Variants in ZWILCH observed in about 807,000 individuals in gnomAD.
ZWILCH encodes protein zwilch homolog.
Under a neutral mutation model 79.9 loss-of-function variants are expected in ZWILCH, and 74 were observed. That is an observed-to-expected ratio of 0.93 (90% CI 0.77 to 1.12). The LOEUF is 1.12. Ranked by LOEUF, ZWILCH falls within the 50% of genes most tolerant of loss-of-function variation. The pLI is 0.00. For synonymous variants in ZWILCH, 241 were observed against 228.2 expected (o/e 1.06, Z -0.51); for missense variants, 694 against 687.5 (o/e 1.01, Z -0.11).
chr15:66,518,964 C>A lies in ZWILCH; in HGVS notation c.406C>A (p.Leu136Ile). 1 of 1,614,224 alleles carries A rather than the reference C, an allele frequency of 6.2e-7. No individual in the cohort carries two copies. The highest frequency in any genetic ancestry group is 8.5e-7 in the Non-Finnish European group (1 of 1,180,028). The change falls in exon 5 of 19, where the codon CTT (leucine) becomes ATT (isoleucine). Residue 136 changes from leucine (L) to isoleucine (I), a missense_variant. Physicochemically the swap from Leu to Ile is conservative, Grantham distance 5 (BLOSUM62 2). Coordinates refer to ENST00000307897, the MANE Select transcript of ZWILCH (RefSeq NM_017975.5). Reference protein sequence around the residue: ...INLPVTALPPLWVRCDSSDPE... With the variant: ...INLPVTALPPIWVRCDSSDPE... ...TCTGCCAGTTACTGCCCTTCCTCCC[C>A]TTTGGGTAAGATGTGACAGTTCAGA...
chr15:66,514,760 G>A (rs561625964), intron 3 of ZWILCH, among the ~76,000 whole-genome samples: 15 of 152,226 alleles, frequency 9.9e-5, no homozygotes, highest in Middle Eastern at 3.4e-3. Flanking sequence ...TAACTATTTT[G>A]TAAACACATG....
At chr15:66,514,273 G>T in intron 3 of ZWILCH, 190 bp downstream of exon 3, 2 of 337,782 alleles carry the variant, frequency 5.9e-6, no homozygotes, top group South Asian at 5.6e-5. Context: ...TTTTCTTGTA[G>T]CCTCATTAAG....
At position 66,548,815 on chromosome 15, in the gene ZWILCH, G is replaced by A. The variant is rs921898276; in HGVS notation, c.*491G>A. Reference sequence around the variant, plus strand: ...GCTTTGTAAATATTTCAGAAAATATGGGATAAATGCCTGAATTTGGTTCTT... The same window carrying A: ...GCTTTGTAAATATTTCAGAAAATATAGGATAAATGCCTGAATTTGGTTCTT... On this transcript the variant is annotated 3_prime_UTR_variant, in exon 19 of 19. Transcript: ENST00000307897. 3 of 342,438 alleles carry A rather than the reference G, an allele frequency of 8.8e-6. No homozygotes were observed. The highest frequency in any genetic ancestry group is 2.1e-5 in the African/African-American group (1 of 47,892). The allele number at this position is 342,438 out of a possible 1,614,324, so 21.2% of individuals were successfully genotyped here.
At position 66,544,161 on chromosome 15, in the gene ZWILCH, GC is replaced by G. The variant is rs1421126842; in HGVS notation, c.1688-2429del. Among the ~76,000 whole-genome samples, 3 of 151,852 alleles carry G rather than the reference GC, an allele frequency of 2.0e-5. No homozygotes were observed. The East Asian group carries it at 5.9e-4, about 30-fold the overall frequency. Reference sequence around the variant, plus strand: ...AATCCCAGCTACTCAGGAGGCTGAGGCAGGAGAATTGCTTGAACCTGGGAAG... The same window carrying G: ...AATCCCAGCTACTCAGGAGGCTGAGGAGGAGAATTGCTTGAACCTGGGAAG... On this transcript the variant is annotated intron_variant, in intron 17 of 18. Transcript: ENST00000307897.
chr15:66,512,345 A>G (rs566639394), intron 2 of ZWILCH, among the ~76,000 whole-genome samples: 1 of 151,722 alleles, frequency 6.6e-6, no homozygotes, highest in East Asian at 1.9e-4. Flanking sequence ...TGCGGCCTCA[A>G]ACTCCTGGGC....
At chr15:66,519,378 G>A (rs2140761919) in intron 5 of ZWILCH, among the ~76,000 whole-genome samples, 1 of 152,322 alleles carries the variant, frequency 6.6e-6, no homozygotes, top group Non-Finnish European at 1.5e-5. Context: ...CTGACAATAT[G>A]TTTCCAATCG....
rs1567054233 is a variant in ZWILCH at position 66,544,708 on chromosome 15, G to GGT, written c.1688-1883_1688-1882insGT. 4.0e-5 allele frequency among the ~76,000 whole-genome samples: 4 copies of GGT among 99,494 alleles called. No individual in the cohort carries two copies. In the East Asian group the frequency reaches 1.3e-3, roughly 34 times the overall value. 65.3% of individuals were successfully genotyped at this position (99,494 alleles called of 152,430 possible). A position where few individuals can be genotyped will look rare whatever the true frequency, so the allele number is the denominator to read the frequency against. ...TGTGAAAAAAATGCCTTGTTTTTTT[G>GGT]TTGTTTTTTTGGTTTTTGTGTGTGT... On this transcript the variant is annotated intron_variant, in intron 17 of 18. Coordinates refer to ENST00000307897, the MANE Select transcript of ZWILCH (RefSeq NM_017975.5).
intron 2 of ZWILCH, among the ~76,000 whole-genome samples, chr15:66,511,727 T>C (rs1330166770): frequency 6.6e-6 from 1 of 152,102 alleles, no homozygotes; most frequent in African/African-American, 2.4e-5. Context: ...GTGATTCTTC[T>C]GCTTCAGCCT....
Position 66,548,735 on chromosome 15 carries a change from A to T in ZWILCH, c.*411A>T, listed in dbSNP as rs1895478583. 2.0e-6 allele frequency: 1 copy of T among 508,380 alleles called. No individual in the cohort carries two copies. The highest frequency in any genetic ancestry group is 1.9e-5 in the African/African-American group (1 of 52,336). 31.5% of individuals were successfully genotyped at this position (508,380 alleles called of 1,614,324 possible). A position where few individuals can be genotyped will look rare whatever the true frequency, so the allele number is the denominator to read the frequency against. On this transcript the variant is annotated 3_prime_UTR_variant, in exon 19 of 19. Transcript: ENST00000307897. ...AGCATCCTCAAATTTTCTGATTCTT[A>T]TTTGCCATGAAATAGAACTTAGTAA...
At position 66,515,663 on chromosome 15, in the gene ZWILCH, T is replaced by G. The variant is rs748434668; in HGVS notation, c.320+19T>G. 6.7e-7 allele frequency: 1 copy of G among 1,503,330 alleles called. No homozygotes were observed. The highest frequency in any genetic ancestry group is 1.7e-5 in the Admixed American group (1 of 58,880). 93.1% of individuals were successfully genotyped at this position (1,503,330 alleles called of 1,614,324 possible). ...AGGCAAGGTAGGTTTTCTCTTATGC[T>G]GAGTAGGGGTGGCAACTAGGATTTA... On this transcript the variant is annotated intron_variant, in intron 4 of 18. Transcript: ENST00000307897.
At chr15:66,509,995 G>A (rs999605001) in intron 2 of ZWILCH, among the ~76,000 whole-genome samples, 90 of 149,820 alleles carry the variant, frequency 6.0e-4, no homozygotes, top group African/African-American at 2.1e-3. Flanking sequence ...TGGCCAACAT[G>A]GTGAAACCCC....
chr15:66,543,560 C>T (rs1318612340), intron 17 of ZWILCH, among the ~76,000 whole-genome samples: 2 of 152,124 alleles, frequency 1.3e-5, no homozygotes, highest in African/African-American at 2.4e-5. Flanking sequence ...AGTTCAAGAC[C>T]AGCCTGGGTA....
chr15:66,510,141 G>A (rs1893999346), intron 2 of ZWILCH, among the ~76,000 whole-genome samples: 1 of 149,446 alleles, frequency 6.7e-6, no homozygotes, highest in Admixed American at 6.7e-5. Flanking sequence ...TTAAGCCATT[G>A]TACTCCAGCC....
In ZWILCH at chr15:66,529,562, A is replaced by G. The variant is rs1477911009; in HGVS notation, c.1144A>G (p.Ile382Val). 4 of 1,613,380 alleles carry G rather than the reference A, an allele frequency of 2.5e-6. No homozygotes were observed. The African/African-American group carries it at 4.0e-5, about 16-fold the overall frequency. The change falls in exon 12 of 19, where the codon ATA (isoleucine) becomes GTA (valine). Residue 382 changes from isoleucine (I) to valine (V), a missense_variant. Ile to Val is a conservative substitution (Grantham distance 29). Transcript: ENST00000307897. ...LIIQSLQRGD[I>V]QPWLHSGSNS... ...CATCCAGAGTCTACAACGTGGTGAT[A>G]TACAGCCATGGGTAGGTTTAGTAGT... is the stretch of plus-strand genomic sequence containing the variant.
intron 16 of ZWILCH, among the ~76,000 whole-genome samples, chr15:66,538,228 G>A (rs1195673735): frequency 6.6e-6 from 1 of 152,078 alleles, no homozygotes; most frequent in Admixed American, 6.6e-5. Context: ...TTCTTTCTTA[G>A]CCAAACTCTC....
chr15:66,548,433 A>C lies in ZWILCH; in HGVS notation c.*109A>C, dbSNP rs546519703. The C allele has an allele frequency of 1.1e-6, 1 of 908,096 alleles. No homozygotes were observed. Among genetic ancestry groups the C allele is most frequent in the African/African-American group, 1.6e-5 (1 of 61,100 alleles). The allele number at this position is 908,096 out of a possible 1,614,324, so 56.3% of individuals were successfully genotyped here. ...AATGTATGGAAACCCTCAAAGCAGA[A>C]AAGGGAGGAAGATCCTGAAGATTCT... is the stretch of plus-strand genomic sequence containing the variant. On this transcript the variant is annotated 3_prime_UTR_variant, in exon 19 of 19. Coordinates refer to ENST00000307897, the MANE Select transcript of ZWILCH (RefSeq NM_017975.5).
chr15:66,527,934 G>C, intron 10 of ZWILCH, 22 bp downstream of exon 10: 1 of 1,566,604 alleles, frequency 6.4e-7, no homozygotes, highest in South Asian at 1.2e-5. Flanking sequence ...TTATCAGTTA[G>C]AAATATACAC....
chr15:66,507,012 A>G (rs567878395), intron 1 of ZWILCH, among the ~76,000 whole-genome samples: 26 of 152,112 alleles, frequency 1.7e-4, no homozygotes, highest in African/African-American at 5.8e-4. Flanking sequence ...GCATGCCACC[A>G]CGCCTAGCTG....
chr15:66,538,250 T>G (rs1226645023), intron 16 of ZWILCH, among the ~76,000 whole-genome samples: 2 of 152,224 alleles, frequency 1.3e-5, no homozygotes, highest in Admixed American at 6.5e-5. Flanking sequence ...TCACTCCCCC[T>G]GAAATTGCTC....
Sources: gnomAD v4.1 joint callset for allele counts (sites outside exome capture counted in the v4.1 genomes callset) on GRCh38, gnomAD v4.1.1 for gene constraint, MANE v1.5 for transcripts, NCBI Gene and HGNC (gene_info 2026-07-23, HGNC 2026-07-21) for gene names.